The following PDE1A variants were observed in gnomAD, a reference collection of about 807,000 sequenced individuals.
The protein encoded by PDE1A is dual specificity calcium/calmodulin-dependent 3',5'-cyclic nucleotide phosphodiesterase 1A.
Under a neutral mutation model 61.7 loss-of-function variants are expected in PDE1A, and 35 were observed. That is an observed-to-expected ratio of 0.57 (90% CI 0.43 to 0.75). PDE1A has a LOEUF of 0.75. Among genes scored for constraint, PDE1A ranks in the 30% least tolerant of loss-of-function variants. The pLI, the probability that PDE1A is intolerant of heterozygous loss-of-function variation, is 0.00. For synonymous variants in PDE1A, 232 were observed against 213.2 expected (o/e 1.09, Z -0.77); for missense variants, 597 against 630.6 (o/e 0.95, Z 0.57).
intron 2 of PDE1A, among the ~76,000 whole-genome samples, chr2:182,516,743 A>AGGAAGGAAGGAAGGAAGGAAGGAAGG (rs57365248): frequency 8.2e-6 from 1 of 121,702 alleles, no homozygotes; most frequent in Non-Finnish European, 1.8e-5. Context: ...GAAGGAAGGA[A>AGGAAGGAAGGAAGGAAGGAAGGAAGG]AAAGAGAGAA....
chr2:182,246,570 T>G (rs546820253), intron 2 of PDE1A, among the ~76,000 whole-genome samples: 1 of 151,522 alleles, frequency 6.6e-6, no homozygotes. Flanking sequence ...CCCAGCTAAT[T>G]TTTTGTATTT....
chr2:182,310,001 A>ATCCT (rs1695860622), intron 1 of PDE1A, among the ~76,000 whole-genome samples: 2 of 152,324 alleles, frequency 1.3e-5, no homozygotes, highest in African/African-American at 4.8e-5. Flanking sequence ...GACAGCCCTA[A>ATCCT]GGGAAGAGAC....
the PDE1A span, among the ~76,000 whole-genome samples, chr2:182,575,574 T>C: frequency 6.6e-6 from 1 of 151,560 alleles, no homozygotes; most frequent in Admixed American, 6.6e-5. Flanking sequence ...GTGGTGCCAC[T>C]TCCACTTCTG....
the PDE1A span, among the ~76,000 whole-genome samples, chr2:182,560,239 G>A: frequency 8.7e-6 from 1 of 115,100 alleles, no homozygotes; most frequent in East Asian, 2.5e-4. Flanking sequence ...ACAGTCACCA[G>A]AGTGTGATGT....
chr2:182,473,641 T>C (rs1314774283), intron 2 of PDE1A, among the ~76,000 whole-genome samples: 1 of 151,760 alleles, frequency 6.6e-6, no homozygotes, highest in South Asian at 2.1e-4. Flanking sequence ...ACCCTCCTCC[T>C]ACCTTCCACC....
At chr2:182,545,321 C>A in the PDE1A span, among the ~76,000 whole-genome samples, 4 of 152,172 alleles carry the variant, frequency 2.6e-5, no homozygotes, top group Non-Finnish European at 5.9e-5. Context: ...CTAGACCCCA[C>A]CCCATGGGCT....
intron 1 of PDE1A, among the ~76,000 whole-genome samples, chr2:182,326,702 T>C (rs1574357849): frequency 2.0e-5 from 3 of 152,204 alleles, no homozygotes; most frequent in African/African-American, 4.8e-5. Flanking sequence ...ATGTTTAAGC[T>C]GGTAAATTTT....
At chr2:182,209,408 C>T (rs149968457) in intron 7 of PDE1A, among the ~76,000 whole-genome samples, 85 of 152,010 alleles carry the variant, frequency 5.6e-4, no homozygotes, top group African/African-American at 1.6e-3. Context: ...TATGGGATTA[C>T]AATTCAACAT....
At chr2:182,440,484 T>C (rs903600101) in intron 2 of PDE1A, among the ~76,000 whole-genome samples, 3 of 152,106 alleles carry the variant, frequency 2.0e-5, no homozygotes, top group African/African-American at 7.2e-5. Flanking sequence ...TTCCTGACTA[T>C]ATGCAGACAT....
intron 2 of PDE1A, among the ~76,000 whole-genome samples, chr2:182,436,567 T>C (rs201690538): frequency 6.6e-6 from 1 of 151,974 alleles, no homozygotes. Flanking sequence ...TCTTGCTCTA[T>C]GGTACTAGAA....
chr2:182,283,474 A>G (rs1296760965), intron 1 of PDE1A, among the ~76,000 whole-genome samples: 2 of 151,944 alleles, frequency 1.3e-5, no homozygotes, highest in African/African-American at 4.8e-5. Context: ...TAAATGCTAT[A>G]TAACACAAAT....
At chr2:182,148,585 C>T (rs1690617714) in intron 13 of PDE1A, among the ~76,000 whole-genome samples, 1 of 152,190 alleles carries the variant, frequency 6.6e-6, no homozygotes, top group African/African-American at 2.4e-5. Flanking sequence ...GGTACATTTC[C>T]AGCTTCTGTC....
upstream of PDE1A, among the ~76,000 whole-genome samples, chr2:182,431,895 A>G (rs1703969533): frequency 6.6e-6 from 1 of 152,040 alleles, no homozygotes; most frequent in South Asian, 2.1e-4. Context: ...ACCCTACTCA[A>G]GTGTCATAAC....
intron 1 of PDE1A, among the ~76,000 whole-genome samples, chr2:182,341,412 A>G (rs1698174018): frequency 6.6e-6 from 1 of 152,166 alleles, no homozygotes; most frequent in Non-Finnish European, 1.5e-5. Context: ...TGTGGCAATA[A>G]CTGTTTTAAT....
chr2:182,535,970 T>C, the PDE1A span, among the ~76,000 whole-genome samples: 1 of 152,152 alleles, frequency 6.6e-6, no homozygotes. Flanking sequence ...AGCATAAATT[T>C]AGGCACACTG....
At chr2:182,665,370 A>G in the PDE1A span, among the ~76,000 whole-genome samples, 1 of 152,216 alleles carries the variant, frequency 6.6e-6, no homozygotes, top group Non-Finnish European at 1.5e-5. Flanking sequence ...ACAAATTTAC[A>G]GGAAAAAAAG....
At chr2:182,274,588 T>G (rs976044935) in intron 1 of PDE1A, among the ~76,000 whole-genome samples, 2 of 152,112 alleles carry the variant, frequency 1.3e-5, no homozygotes, top group Non-Finnish European at 2.9e-5. Context: ...AGCAATCAAA[T>G]CGAGTCCAAA....
chr2:182,562,290 T>A, the PDE1A span, among the ~76,000 whole-genome samples: 1 of 151,508 alleles, frequency 6.6e-6, no homozygotes, highest in Admixed American at 6.6e-5. Flanking sequence ...GTCAAAGGCC[T>A]TTTCTGCATC....
At chr2:182,625,567 G>A in the PDE1A span, among the ~76,000 whole-genome samples, 175 of 152,298 alleles carry the variant, frequency 1.1e-3, no homozygotes, top group South Asian at 3.1e-3. Context: ...TTTATGCTAG[G>A]TTAGGAAAAT....
Sources: allele counts gnomAD v4.1 joint callset (sites outside exome capture counted in the v4.1 genomes callset), GRCh38; gene constraint gnomAD v4.1.1; transcripts MANE v1.5; gene names NCBI Gene and HGNC (gene_info 2026-07-23, HGNC 2026-07-21).